The following POLR1A variants were observed in gnomAD, a reference collection of about 807,000 sequenced individuals.
The protein encoded by POLR1A is RNA polymerase I subunit A, also known as DNA-directed RNA polymerase I subunit RPA1.
In POLR1A, 84 loss-of-function variants were observed where a neutral mutation model predicts 205.3. The ratio of observed to expected loss-of-function variants is 0.41; its 90% confidence interval spans 0.34 to 0.49. The LOEUF is 0.49. POLR1A is among the 20% of genes least tolerant of loss of function. The pLI, the probability that POLR1A is intolerant of heterozygous loss-of-function variation, is 0.22. For missense variants in POLR1A, 1,645 were observed against 2,204.5 expected, an observed-to-expected ratio of 0.75 and a Z score of 5.08; for synonymous variants, 799 against 863.7, an observed-to-expected ratio of 0.93 and a Z score of 1.31.
At chr2:86,033,586 G>C in intron 28 of POLR1A, 75 bp downstream of exon 28, 1 of 1,513,930 alleles carries the variant, frequency 6.6e-7, no homozygotes. Context: ...GAGGAGCACA[G>C]AGAATAGGCA....
intron 16 of POLR1A, among the ~76,000 whole-genome samples, chr2:86,050,890 G>C (rs1435209993): frequency 6.6e-6 from 1 of 152,188 alleles, no homozygotes; most frequent in Non-Finnish European, 1.5e-5. Context: ...CTTGGACCTT[G>C]AGCCCAGAAG....
intron 6 of POLR1A, among the ~76,000 whole-genome samples, chr2:86,085,548 T>C (rs1024284805): frequency 3.9e-5 from 6 of 152,162 alleles, no homozygotes; most frequent in African/African-American, 1.2e-4. Context: ...AAAATGAGTG[T>C]CTGAACTTTC....
At chr2:86,060,359 A>G (rs1377670223) in intron 14 of POLR1A, among the ~76,000 whole-genome samples, 2 of 151,480 alleles carry the variant, frequency 1.3e-5, no homozygotes. Context: ...AATAGTTGAC[A>G]GTCTTTTTTT....
intron 8 of POLR1A, among the ~76,000 whole-genome samples, 169 bp downstream of exon 8, chr2:86,081,432 C>T (rs888471473): frequency 6.6e-5 from 10 of 152,128 alleles, no homozygotes; most frequent in South Asian, 2.1e-4. Context: ...ATTCCTATTG[C>T]GTTCACAACA....
chr2:86,086,294 A>C (rs527624787), intron 6 of POLR1A, among the ~76,000 whole-genome samples: 201 of 152,088 alleles, frequency 1.3e-3, no homozygotes, highest in African/African-American at 4.6e-3. Flanking sequence ...TCCTGACCTC[A>C]GATGATCTGC....
At chr2:86,066,639 T>C (rs1166330041) in intron 13 of POLR1A, among the ~76,000 whole-genome samples, 1 of 152,234 alleles carries the variant, frequency 6.6e-6, no homozygotes, top group African/African-American at 2.4e-5. Context: ...GTTTTATAAC[T>C]AAGGCTAAGG....
chr2:86,062,196 T>C (rs1673010213), intron 14 of POLR1A, among the ~76,000 whole-genome samples: 1 of 152,212 alleles, frequency 6.6e-6, no homozygotes, highest in Admixed American at 6.5e-5. Flanking sequence ...AATTCTTGTG[T>C]AGTGTAGTCA....
chr2:86,065,651 G>A (rs558885854), intron 13 of POLR1A, 186 bp from the exon 14 acceptor site: 3 of 594,550 alleles, frequency 5.0e-6, no homozygotes, highest in African/African-American at 1.9e-5. Flanking sequence ...CATGACCAGG[G>A]TTTAGCACTG....
At chr2:86,041,188 T>TGC (rs1189511034) in intron 24 of POLR1A, among the ~76,000 whole-genome samples, 1 of 51,128 alleles carries the variant, frequency 2.0e-5, no homozygotes, top group Admixed American at 1.8e-4. Flanking sequence ...TGTGTGTGTG[T>TGC]GTGCGCGCTG....
At chr2:86,039,233 G>T in intron 26 of POLR1A, 94 bp downstream of exon 26, 2 of 1,363,018 alleles carry the variant, frequency 1.5e-6, no homozygotes, top group South Asian at 2.5e-5. Flanking sequence ...TGAGCCTAGG[G>T]TCAGAGCAGT....
chr2:86,081,756 G>C, intron 7 of POLR1A, 50 bp from the exon 8 acceptor site: 1 of 1,029,896 alleles, frequency 9.7e-7, no homozygotes, highest in Non-Finnish European at 1.5e-6. Flanking sequence ...CTATCACTAA[G>C]GGCATGGGAG....
rs929618622 is a variant in POLR1A at position 86,032,313 on chromosome 2, C to T, written c.4231G>A (p.Asp1411Asn). 6.2e-7 allele frequency: 1 copy of T among 1,613,476 alleles called. No individual in the cohort carries two copies. The highest frequency in any genetic ancestry group is 8.5e-7 in the Non-Finnish European group (1 of 1,179,488). ...VDAEAEEGDA[D>N]ASDAKRKEKQ... ...TCCTTGCGTTTGGCATCAGAGGCAT[C>T]GGCGTCCCCCTCCTCAGCTTCAGCA... Residue 1411 changes from aspartate (D) to asparagine (N), a missense_variant, in exon 29 of 34, where the codon GAT becomes AAT. By Grantham distance (23) the Asp-to-Asn change is conservative (BLOSUM62 1). Around this residue, in one of 16 missense-constraint regions of POLR1A, gnomAD observed 394 missense variants for 468.5 expected, o/e 0.84. Transcript: ENST00000263857.
In POLR1A at chr2:86,030,409, G is replaced by A. The variant is rs757141334; in HGVS notation, c.4579-13C>T. On this transcript the variant is annotated splice_polypyrimidine_tract_variant and intron_variant, in intron 30 of 33. Coordinates refer to ENST00000263857, the MANE Select transcript of POLR1A (RefSeq NM_015425.6). ...GCTTCACTGTCACCTGCAAAAGGAG[G>A]GAGAGCTGGGTAGGGTGACAGCTAC... The A allele has an allele frequency of 6.3e-7, 1 of 1,598,636 alleles. No homozygotes were observed. Among genetic ancestry groups the A allele is most frequent in the Non-Finnish European group, 8.6e-7 (1 of 1,166,440 alleles).
rs775524948 is a variant in POLR1A at position 86,044,288 on chromosome 2, G to T, written c.2986C>A (p.Leu996Ile). Reference sequence around the variant, plus strand: ...TCATACTGCACGACCAGCCCCTCTAGGTGCTTGATGATGCACCTGTAAGGA... The same window carrying T: ...TCATACTGCACGACCAGCCCCTCTATGTGCTTGATGATGCACCTGTAAGGA... ...GYLQRCIIKH[L>I]EGLVVQYDLT... Residue 996 changes from leucine (L) to isoleucine (I), a missense_variant, in exon 22 of 34, where the codon CTA becomes ATA. Leu to Ile is a conservative substitution (Grantham distance 5). This residue lies in a region of POLR1A where 17 missense variants were observed against 25.0 expected (regional missense o/e 0.68). Transcript: ENST00000263857. 1.9e-6 allele frequency: 3 copies of T among 1,614,174 alleles called. No individual in the cohort carries two copies. The highest frequency in any genetic ancestry group is 2.5e-6 in the Non-Finnish European group (3 of 1,180,014).
chr2:86,097,214 C>CAAAAAAAAAAAAAAAAAAAA lies in POLR1A; in HGVS notation c.432+1377_432+1396dup, dbSNP rs757210116. Among the ~76,000 whole-genome samples the CAAAAAAAAAAAAAAAAAAAA allele has an allele frequency of 2.9e-3, 115 of 39,692 alleles. 38 individuals are homozygous for CAAAAAAAAAAAAAAAAAAAA. Among genetic ancestry groups the CAAAAAAAAAAAAAAAAAAAA allele is most frequent in the African/African-American group, 4.7e-3 (48 of 10,110 alleles). The allele number at this position is 39,692 out of a possible 152,430, so 26.0% of individuals were successfully genotyped here. ...CATTAGGATGGCTATCCCCAAAAGA[C>CAAAAAAAAAAAAAAAAAAAA]AAAAAAAAAAAAAAAAAAAAAAAAA... On this transcript the variant is annotated intron_variant, in intron 3 of 33. Transcript: ENST00000263857.
chr2:86,075,755 G>A (rs1003940794), intron 11 of POLR1A, among the ~76,000 whole-genome samples: 3 of 152,178 alleles, frequency 2.0e-5, no homozygotes, highest in Non-Finnish European at 4.4e-5. Context: ...TGATCTGCCC[G>A]CCTCGGCCTC....
At chr2:86,037,507 C>T (rs717144) in intron 27 of POLR1A, among the ~76,000 whole-genome samples, 103,010 of 152,240 alleles carry the variant, frequency 0.68, 36,419 homozygotes, top group African/African-American at 0.9. Context: ...CGCCTGCCCC[C>T]GTGACTCAGC....
chr2:86,088,113 T>C (rs540990442), intron 6 of POLR1A, among the ~76,000 whole-genome samples: 1 of 152,210 alleles, frequency 6.6e-6, no homozygotes, highest in South Asian at 2.1e-4. Flanking sequence ...GAATTCTACC[T>C]GGGGGGATCT....
At chr2:86,043,484 T>C (rs1203717321) in intron 22 of POLR1A, among the ~76,000 whole-genome samples, 1 of 151,986 alleles carries the variant, frequency 6.6e-6, no homozygotes, top group Non-Finnish European at 1.5e-5. Flanking sequence ...AGGGAGTTTC[T>C]GGGAAGAAAG....
Sources: gnomAD v4.1 joint callset for allele counts (sites outside exome capture counted in the v4.1 genomes callset) on GRCh38, gnomAD v4.1.1 for gene constraint, gnomAD v4.1.1 regional missense constraint, MANE v1.5 for transcripts, NCBI Gene and HGNC (gene_info 2026-07-23, HGNC 2026-07-21) for gene names.